Variants in INPP4B observed in about 807,000 individuals in gnomAD.
INPP4B encodes inositol polyphosphate 4-phosphatase type II.
Under a neutral mutation model 122.5 loss-of-function variants are expected in INPP4B, and 55 were observed. The ratio of observed to expected loss-of-function variants is 0.45; its 90% CI spans 0.36 to 0.56. INPP4B has a LOEUF of 0.56. Among genes scored for constraint, INPP4B ranks in the 20% least tolerant of loss-of-function variants. INPP4B has a pLI of 0.00. For synonymous variants in INPP4B, 403 were observed against 388.7 expected (o/e 1.04, Z -0.43); for missense variants, 1,000 against 1,097.7 (o/e 0.91, Z 1.26).
At chr4:142,276,388 T>C (rs1368095684) in intron 9 of INPP4B, among the ~76,000 whole-genome samples, 1 of 151,906 alleles carries the variant, frequency 6.6e-6, no homozygotes, top group Non-Finnish European at 1.5e-5. Context: ...GGACACTCAG[T>C]ATTTTTGGCT....
intron 9 of INPP4B, among the ~76,000 whole-genome samples, chr4:142,276,603 C>T (rs572235628): frequency 6.6e-6 from 1 of 151,972 alleles, no homozygotes; most frequent in African/African-American, 2.4e-5. Context: ...ACTTATCTCA[C>T]AAGACTTATG....
intron 11 of INPP4B, among the ~76,000 whole-genome samples, chr4:142,258,752 G>T (rs1737937936): frequency 6.6e-6 from 1 of 152,180 alleles, no homozygotes; most frequent in Non-Finnish European, 1.5e-5. Context: ...TTACACTGTT[G>T]GTGGGACTGT....
At chr4:142,105,694 A>G (rs993912838) in intron 23 of INPP4B, among the ~76,000 whole-genome samples, 1 of 152,172 alleles carries the variant, frequency 6.6e-6, no homozygotes, top group Non-Finnish European at 1.5e-5. Flanking sequence ...TTCATAAATC[A>G]TTTAAAAAGA....
intron 2 of INPP4B, among the ~76,000 whole-genome samples, chr4:142,686,811 C>G (rs937343912): frequency 2.6e-5 from 4 of 152,146 alleles, no homozygotes; most frequent in Middle Eastern, 3.4e-3. Context: ...ATGACCCCTA[C>G]AGAGATGATT....
At chr4:142,070,065 A>G (rs1175480636) in intron 25 of INPP4B, among the ~76,000 whole-genome samples, 1 of 152,206 alleles carries the variant, frequency 6.6e-6, no homozygotes, top group Admixed American at 6.5e-5. Context: ...ATCCCTGAAG[A>G]ACATCGAAGC....
At chr4:142,805,296 T>C (rs530323680) in intron 1 of INPP4B, among the ~76,000 whole-genome samples, 1 of 152,344 alleles carries the variant, frequency 6.6e-6, no homozygotes, top group East Asian at 1.9e-4. Context: ...TCACTGTTAA[T>C]ACTTAACATT....
At chr4:142,044,613 GA>G (rs1199889964) in intron 25 of INPP4B, among the ~76,000 whole-genome samples, 1 of 149,356 alleles carries the variant, frequency 6.7e-6, no homozygotes, top group African/African-American at 2.5e-5. Context: ...GATAGTGAAA[GA>G]AAAAAAAACA....
At chr4:142,716,084 T>C (rs983577026) in intron 2 of INPP4B, among the ~76,000 whole-genome samples, 2 of 152,166 alleles carry the variant, frequency 1.3e-5, no homozygotes, top group African/African-American at 2.4e-5. Context: ...GGAGATCACA[T>C]AGCATTACTT....
At chr4:142,789,143 A>T (rs1291754124) in intron 1 of INPP4B, among the ~76,000 whole-genome samples, 1 of 152,110 alleles carries the variant, frequency 6.6e-6, no homozygotes, top group East Asian at 1.9e-4. Flanking sequence ...ACTGGGAAAA[A>T]GTTGAAAGCA....
intron 25 of INPP4B, among the ~76,000 whole-genome samples, chr4:142,075,003 T>C (rs1769782489): frequency 1.3e-5 from 2 of 152,030 alleles, no homozygotes. Flanking sequence ...CACTTAATAA[T>C]GAACACTTTC....
intron 7 of INPP4B, among the ~76,000 whole-genome samples, chr4:142,344,072 G>A (rs68057722): frequency 1.3e-5 from 2 of 151,916 alleles, no homozygotes; most frequent in African/African-American, 4.8e-5. Flanking sequence ...TTTTAATATT[G>A]AATGTGTTTT....
At chr4:142,521,479 T>G (rs1275551995) in intron 2 of INPP4B, among the ~76,000 whole-genome samples, 1 of 151,998 alleles carries the variant, frequency 6.6e-6, no homozygotes, top group Non-Finnish European at 1.5e-5. Flanking sequence ...TCAAAAATCC[T>G]GAAAAGTGAA....
At chr4:142,838,927 AAT>A (rs1183320367) in intron 1 of INPP4B, among the ~76,000 whole-genome samples, 1 of 152,236 alleles carries the variant, frequency 6.6e-6, no homozygotes, top group Non-Finnish European at 1.5e-5. Flanking sequence ...AAAGTGACAG[AAT>A]ATGTCAACCA....
intron 15 of INPP4B, among the ~76,000 whole-genome samples, chr4:142,180,025 T>A (rs1440612885): frequency 6.6e-6 from 1 of 152,114 alleles, no homozygotes; most frequent in Non-Finnish European, 1.5e-5. Context: ...TTGATCAAAG[T>A]ACAGAGTAAG....
At chr4:142,191,456 C>G (rs903702083) in intron 15 of INPP4B, among the ~76,000 whole-genome samples, 1 of 152,176 alleles carries the variant, frequency 6.6e-6, no homozygotes, top group Non-Finnish European at 1.5e-5. Context: ...CCTTCATCCC[C>G]ACTCAGATTC....
chr4:142,317,741 C>A (rs1334624210), intron 7 of INPP4B, among the ~76,000 whole-genome samples: 1 of 152,178 alleles, frequency 6.6e-6, no homozygotes, highest in Non-Finnish European at 1.5e-5. Context: ...TTTCCTCCAA[C>A]TCTTCCAATA....
At chr4:142,687,356 T>C (rs979736417) in intron 2 of INPP4B, among the ~76,000 whole-genome samples, 11 of 151,712 alleles carry the variant, frequency 7.3e-5, no homozygotes, top group Non-Finnish European at 1.3e-4. Flanking sequence ...AATGAGAAAA[T>C]CAAGAAAAGG....
chr4:142,044,455 C>T (rs572079814), intron 25 of INPP4B, among the ~76,000 whole-genome samples: 5 of 152,184 alleles, frequency 3.3e-5, no homozygotes, highest in African/African-American at 7.2e-5. Context: ...ACAAAGGAAA[C>T]GAGGTCACCA....
intron 2 of INPP4B, among the ~76,000 whole-genome samples, chr4:142,607,529 C>T (rs1440608549): frequency 6.6e-6 from 1 of 152,078 alleles, no homozygotes; most frequent in Non-Finnish European, 1.5e-5. Flanking sequence ...ACCTCTTGGT[C>T]TCTAGAGAAT....
Sources: gnomAD v4.1 joint callset for allele counts (sites outside exome capture counted in the v4.1 genomes callset) on GRCh38, gnomAD v4.1.1 for gene constraint, MANE v1.5 for transcripts, NCBI Gene and HGNC (gene_info 2026-07-23, HGNC 2026-07-21) for gene names.